Variants in SCAND3 observed in about 807,000 individuals in gnomAD.
SCAND3 encodes SCAN domain containing 3.
chr6:28,607,224 T>G, the SCAND3 span, among the ~76,000 whole-genome samples: 2 of 152,196 alleles, frequency 1.3e-5, no homozygotes, highest in Admixed American at 1.3e-4. Flanking sequence ...CCCCGGCACC[T>G]CCACCAGTTT....
the SCAND3 span, among the ~76,000 whole-genome samples, chr6:28,607,224 T>C: frequency 4.6e-5 from 7 of 152,196 alleles, no homozygotes; most frequent in Admixed American, 6.5e-5. Context: ...CCCCGGCACC[T>C]CCACCAGTTT....
At chr6:28,596,634 CT>C in the SCAND3 span, among the ~76,000 whole-genome samples, 2 of 151,876 alleles carry the variant, frequency 1.3e-5, no homozygotes, top group Non-Finnish European at 2.9e-5. Flanking sequence ...ATATTTTTTT[CT>C]CCCAAGGCCC....
the SCAND3 span, chr6:28,571,723 G>A: frequency 5.7e-6 from 3 of 525,282 alleles, no homozygotes; most frequent in Non-Finnish European, 9.4e-6. Flanking sequence ...TATAAAAACT[G>A]TACACATTCT....
the SCAND3 span, chr6:28,586,865 A>C: frequency 1.5e-6 from 1 of 650,644 alleles, no homozygotes; most frequent in African/African-American, 1.8e-5. This position sits in a 1 kb window ranked among gnomAD's most constrained non-coding sequence, Gnocchi z 4.4. Flanking sequence ...GACTCAGTTT[A>C]AAAGGACTTG....
At chr6:28,607,148 C>G in the SCAND3 span, among the ~76,000 whole-genome samples, 22 of 152,198 alleles carry the variant, frequency 1.4e-4, no homozygotes, top group African/African-American at 4.3e-4. Context: ...AGCAACCTGT[C>G]TGTGGTTGGG....
chr6:28,575,494 G>A, the SCAND3 span: 1 of 1,613,886 alleles, frequency 6.2e-7, no homozygotes, highest in South Asian at 1.1e-5. This position sits in a 1 kb window ranked among gnomAD's most constrained non-coding sequence, Gnocchi z 4.2. Flanking sequence ...CCGCAAAAAA[G>A]TTAACTTTGT....
At chr6:28,572,714 T>C in the SCAND3 span, 1 of 1,614,160 alleles carries the variant, frequency 6.2e-7, no homozygotes, top group Non-Finnish European at 8.5e-7. This position sits in a 1 kb window ranked among gnomAD's most constrained non-coding sequence, Gnocchi z 4.1. Flanking sequence ...AACCACCGTA[T>C]CTCAGCATGC....
chr6:28,595,353 A>AAAAAAAAAAAAG, the SCAND3 span, among the ~76,000 whole-genome samples: 1 of 144,644 alleles, frequency 6.9e-6, no homozygotes, highest in African/African-American at 2.5e-5. Context: ...AAAAAAAAAA[A>AAAAAAAAAAAAG]AAGAAGAAGA....
the SCAND3 span, chr6:28,574,594 G>A: frequency 6.6e-5 from 98 of 1,484,284 alleles, no homozygotes; most frequent in Non-Finnish European, 9.0e-5. Context: ...ACAGTACACT[G>A]TAATGAGATT....
chr6:28,598,045 T>G, the SCAND3 span: 1 of 152,162 alleles, frequency 6.6e-6, no homozygotes, highest in Non-Finnish European at 1.5e-5. Context: ...ATTTTCGTTC[T>G]AGAGTAGTTT....
the SCAND3 span, chr6:28,573,021 G>C: frequency 1.2e-6 from 2 of 1,612,794 alleles, no homozygotes; most frequent in Non-Finnish European, 1.7e-6. Flanking sequence ...AACCACATTT[G>C]TTAACAATAT....
At chr6:28,606,906 G>A in the SCAND3 span, among the ~76,000 whole-genome samples, 2 of 152,274 alleles carry the variant, frequency 1.3e-5, no homozygotes, top group South Asian at 4.1e-4. Flanking sequence ...TTGGCCTCCT[G>A]GGGCCTTATG....
the SCAND3 span, chr6:28,589,852 GTTTGTTTT>G: frequency 8.5e-6 from 1 of 117,668 alleles, no homozygotes; most frequent in Admixed American, 9.0e-5. Flanking sequence ...TTGTTTTTTT[GTTTGTTTT>G]TTTTTTTTTT....
the SCAND3 span, chr6:28,591,318 C>T: frequency 6.6e-6 from 1 of 152,102 alleles, no homozygotes; most frequent in Admixed American, 6.6e-5. Flanking sequence ...TAGATGCTCC[C>T]CCTGATGCCT....
chr6:28,615,170 T>C, the SCAND3 span, among the ~76,000 whole-genome samples: 1 of 152,210 alleles, frequency 6.6e-6, no homozygotes, highest in East Asian at 1.9e-4. Context: ...CCTGAACCAG[T>C]GCATAAACAC....
chr6:28,590,719 AC>A, the SCAND3 span: 2 of 152,220 alleles, frequency 1.3e-5, no homozygotes, highest in African/African-American at 2.4e-5. Context: ...TCCTACTTTC[AC>A]CAAGTCCATT....
At chr6:28,576,701 T>C in the SCAND3 span, among the ~76,000 whole-genome samples, 2 of 152,076 alleles carry the variant, frequency 1.3e-5, no homozygotes, top group African/African-American at 4.8e-5. Context: ...GTTTTCAGGA[T>C]TGAAGCACTG....
the SCAND3 span, among the ~76,000 whole-genome samples, chr6:28,611,385 G>T: frequency 4.6e-5 from 7 of 152,166 alleles, no homozygotes; most frequent in Admixed American, 6.5e-5. Flanking sequence ...CACCGTCCAG[G>T]TGGCTATGTC....
At chr6:28,576,906 G>A in the SCAND3 span, among the ~76,000 whole-genome samples, 5 of 71,284 alleles carry the variant, frequency 7.0e-5, no homozygotes, top group East Asian at 4.3e-4. Context: ...CACCACACCC[G>A]GTCTCAGACT....
Sources: gnomAD v4.1 joint callset for allele counts (sites outside exome capture counted in the v4.1 genomes callset) on GRCh38, gnomAD v4.1.1 for gene constraint, Gnocchi (gnomAD v3.1) non-coding constraint, MANE v1.5 for transcripts, NCBI Gene and HGNC (gene_info 2026-07-23, HGNC 2026-07-21) for gene names.